PRKCE: variants seen among roughly 807,000 people sequenced by gnomAD.
PRKCE encodes the protein protein kinase C epsilon.
A neutral mutation model predicts 85.4 loss-of-function variants in PRKCE; 16 were observed. The ratio of observed to expected loss-of-function variants is 0.19; its 90% CI spans 0.13 to 0.28. The LOEUF (loss-of-function observed/expected upper bound fraction) is 0.28, where lower values mean the gene tolerates loss of function less well. Among genes scored for constraint, PRKCE ranks in the 10% least tolerant of loss-of-function variants. The pLI, the probability that PRKCE is intolerant of heterozygous loss-of-function variation, is 1.00. For synonymous variants in PRKCE, 388 were observed against 371.5 expected (o/e 1.04, Z -0.51); for missense variants, 573 against 975.2 (o/e 0.59, Z 5.49).
chr2:45,938,207 C>T lies in PRKCE; in HGVS notation c.413-38222C>T, dbSNP rs140457051. ...AGGGCTGATGGGGGTGGTATTTAGT[C>T]TCTTGGAGGTGGTATTTAGCCCCTT... On this transcript the variant is annotated intron_variant, in intron 2 of 14. Transcript: ENST00000306156. 1.9e-3 allele frequency among the ~76,000 whole-genome samples: 292 copies of T among 152,244 alleles called. 7 individuals are homozygous for T. The East Asian group carries it at 0.05, about 26-fold the overall frequency.
chr2:46,092,118 G>A (rs962869581), intron 11 of PRKCE, among the ~76,000 whole-genome samples: 17 of 152,210 alleles, frequency 1.1e-4, no homozygotes, highest in Non-Finnish European at 1.5e-4. Context: ...CACTTGTGAA[G>A]TTTAGATAGT....
chr2:46,115,785 G>A (rs781495857), intron 11 of PRKCE, among the ~76,000 whole-genome samples: 13 of 152,190 alleles, frequency 8.5e-5, no homozygotes, highest in Non-Finnish European at 1.6e-4. Context: ...TTTGTAATTA[G>A]CACCCCATCA....
chr2:46,172,613 G>A (rs923324322), intron 14 of PRKCE, among the ~76,000 whole-genome samples: 4 of 152,188 alleles, frequency 2.6e-5, no homozygotes, highest in Non-Finnish European at 2.9e-5. Flanking sequence ...TGGAGCTAAC[G>A]CTTTGAGACT....
chr2:45,941,158 G>A (rs1699854519), intron 2 of PRKCE, among the ~76,000 whole-genome samples: 1 of 151,368 alleles, frequency 6.6e-6, no homozygotes, highest in African/African-American at 2.4e-5. Context: ...CATGCTCCTG[G>A]GAACTGAAAG....
chr2:45,910,898 G>A (rs1697335734), intron 2 of PRKCE, among the ~76,000 whole-genome samples: 1 of 152,212 alleles, frequency 6.6e-6, no homozygotes, highest in South Asian at 2.1e-4. Context: ...TTGAAGGCCT[G>A]GCAAGCAGAG....
At chr2:45,745,195 A>G (rs908488729) in intron 1 of PRKCE, among the ~76,000 whole-genome samples, 3 of 152,064 alleles carry the variant, frequency 2.0e-5, no homozygotes, top group Non-Finnish European at 2.9e-5. Flanking sequence ...AAACCATTCA[A>G]TTCTGTGTAT....
chr2:46,187,252 ACT>A lies in PRKCE; in HGVS notation c.*2372_*2373del, dbSNP rs1324238153. 2 of 152,576 alleles carry A rather than the reference ACT, an allele frequency of 1.3e-5. No individual in the cohort carries two copies. Among genetic ancestry groups the A allele is most frequent in the Admixed American group, 6.5e-5 (1 of 15,286 alleles). 9.5% of individuals were successfully genotyped at this position (152,576 alleles called of 1,614,324 possible). ...GGAACTGGGCCTTTCCTACAGGACA[ACT>A]GGCAAGTTTGCTGGGAAGTCAAATA... On this transcript the variant is annotated 3_prime_UTR_variant, in exon 15 of 15. Coordinates refer to ENST00000306156, the MANE Select transcript of PRKCE (RefSeq NM_005400.3).
At chr2:46,092,573 C>G (rs1008439091) in intron 11 of PRKCE, among the ~76,000 whole-genome samples, 2 of 152,158 alleles carry the variant, frequency 1.3e-5, no homozygotes, top group Non-Finnish European at 2.9e-5. Flanking sequence ...GAGCAAGGAA[C>G]AAAAATCCAG....
At chr2:46,112,764 C>A (rs1672395629) in intron 11 of PRKCE, among the ~76,000 whole-genome samples, 1 of 152,178 alleles carries the variant, frequency 6.6e-6, no homozygotes, top group Admixed American at 6.5e-5. Context: ...AAGTGATCCA[C>A]CCACCTTGGC....
intron 2 of PRKCE, among the ~76,000 whole-genome samples, chr2:45,951,884 G>A (rs1434482213): frequency 6.6e-6 from 1 of 152,226 alleles, no homozygotes; most frequent in Non-Finnish European, 1.5e-5. Context: ...CCAGGCTGGA[G>A]CACAGGGGCG....
chr2:45,907,833 C>T lies in PRKCE; in HGVS notation c.412+64770C>T, dbSNP rs1423269696. ...CCCTACTTCACAGCCTCACCGTGCC[C>T]ATCCTCTGAGCTAATAATACTTGCC... On this transcript the variant is annotated intron_variant, in intron 2 of 14. Transcript: ENST00000306156. The surrounding 1 kb of genome is among the most constrained non-coding windows in gnomAD (Gnocchi z 4.5). Among the ~76,000 whole-genome samples the T allele has an allele frequency of 6.6e-6, 1 of 152,226 alleles. No individual in the cohort carries two copies. Among genetic ancestry groups the T allele is most frequent in the African/African-American group, 2.4e-5 (1 of 41,458 alleles).
chr2:45,890,344 A>G (rs1354405038), intron 2 of PRKCE, among the ~76,000 whole-genome samples: 1 of 152,080 alleles, frequency 6.6e-6, no homozygotes, highest in Non-Finnish European at 1.5e-5. Context: ...TTCAGTACAT[A>G]GTACTCTCTG....
At chr2:45,869,200 A>G (rs1395050971) in intron 2 of PRKCE, among the ~76,000 whole-genome samples, 1 of 152,232 alleles carries the variant, frequency 6.6e-6, no homozygotes, top group Non-Finnish European at 1.5e-5. Context: ...CAAATTTAAA[A>G]ATCAGTAACT....
intron 1 of PRKCE, among the ~76,000 whole-genome samples, chr2:45,821,805 C>G (rs531985288): frequency 2.6e-5 from 4 of 152,104 alleles, no homozygotes; most frequent in Non-Finnish European, 5.9e-5. Context: ...AGAAGTGTCC[C>G]GATGGCAGCT....
At chr2:45,822,951 G>T (rs964765921) in intron 1 of PRKCE, among the ~76,000 whole-genome samples, 1 of 152,196 alleles carries the variant, frequency 6.6e-6, no homozygotes, top group Non-Finnish European at 1.5e-5. Flanking sequence ...ATAAGTGATG[G>T]ATCTATTTCA....
chr2:45,929,012 T>G (rs188883359), intron 2 of PRKCE, among the ~76,000 whole-genome samples: 1 of 152,114 alleles, frequency 6.6e-6, no homozygotes, highest in East Asian at 1.9e-4. Flanking sequence ...TTTGGAATTG[T>G]GCGTTCTTTC....
intron 2 of PRKCE, among the ~76,000 whole-genome samples, chr2:45,936,847 C>T (rs985138722): frequency 9.9e-5 from 15 of 152,200 alleles, no homozygotes; most frequent in East Asian, 1.9e-4. Flanking sequence ...CACAACCTAC[C>T]GCAGGTATGT....
chr2:45,979,623 G>C (rs1052754448), intron 4 of PRKCE, among the ~76,000 whole-genome samples: 2 of 152,166 alleles, frequency 1.3e-5, no homozygotes, highest in African/African-American at 4.8e-5. Context: ...TGAGGTTAGA[G>C]CAGGGAGGTT....
chr2:46,022,094 G>C (rs1035277652), intron 10 of PRKCE, among the ~76,000 whole-genome samples: 1 of 152,198 alleles, frequency 6.6e-6, no homozygotes. Flanking sequence ...CTATTCAGCT[G>C]TTTGGGTTCA....
Sources: gnomAD v4.1 joint callset for allele counts (sites outside exome capture counted in the v4.1 genomes callset) on GRCh38, gnomAD v4.1.1 for gene constraint, Gnocchi (gnomAD v3.1) non-coding constraint, MANE v1.5 for transcripts, NCBI Gene and HGNC (gene_info 2026-07-23, HGNC 2026-07-21) for gene names.